The following SOX4 variants were observed in gnomAD, a reference collection of about 807,000 sequenced individuals.
The protein encoded by SOX4 is transcription factor SOX-4.
For synonymous variants in SOX4, 465 were observed against 348.4 expected, an observed-to-expected ratio of 1.33 and a Z score of -3.73; for missense variants, 662 against 694.9, an observed-to-expected ratio of 0.95 and a Z score of 0.53.
chr6:21,596,623 C>G lies in SOX4; in HGVS notation c.*664C>G, dbSNP rs1254145606. 2 of 167,228 alleles carry G rather than the reference C, an allele frequency of 1.2e-5. No homozygotes were observed. The highest frequency in any genetic ancestry group is 4.8e-5 in the African/African-American group (2 of 41,408). 10.4% of individuals were successfully genotyped at this position (167,228 alleles called of 1,614,324 possible). ...CCCGTTTGGGGCTTTTTTTTCCTCC[C>G]TCTTTTCCCCTTGCCCCCTCTGCAG... On this transcript the variant is annotated 3_prime_UTR_variant, in exon 1 of 1. Coordinates refer to ENST00000244745, the MANE Select transcript of SOX4 (RefSeq NM_003107.3).
Position 21,594,681 on chromosome 6 carries a change from G to A in SOX4, c.147G>A (p.Pro49=), listed in dbSNP as rs779887391. The change falls in exon 1 of 1, where the codon CCG becomes CCA. Residue 49 remains proline (P), a synonymous_variant. Coordinates refer to ENST00000244745, the MANE Select transcript of SOX4 (RefSeq NM_003107.3). ...CCACGGGCGGCAAGGCCGACGACCC[G>A]AGCTGGTGCAAGACCCCGAGTGGGC... ...TASTGGKADD[P]SWCKTPSGHI... is the part of the protein sequence containing the mutation. 37 of 1,598,728 alleles carry A rather than the reference G, an allele frequency of 2.3e-5. No individual in the cohort carries two copies. Among genetic ancestry groups the A allele is most frequent in the Admixed American group, 5.2e-5 (3 of 57,144 alleles).
Position 21,594,415 on chromosome 6 carries a change from C to G in SOX4, c.-120C>G. The stretch of plus-strand genomic sequence containing the variant: ...GCGAGGAGTTGAGGGGCCAGTTCGG[C>G]CGCCGCGCGCGTCTTCCCGTTCGGC... On this transcript the variant is annotated 5_prime_UTR_variant, in exon 1 of 1. Transcript: ENST00000244745. The G allele has an allele frequency of 2.3e-6, 3 of 1,285,824 alleles. No individual in the cohort carries two copies. Among genetic ancestry groups the G allele is most frequent in the Non-Finnish European group, 3.0e-6 (3 of 1,016,634 alleles). The allele number at this position is 1,285,824 out of a possible 1,614,324, so 79.7% of individuals were successfully genotyped here.
chr6:21,595,579 C>G lies in SOX4; in HGVS notation c.1045C>G (p.Pro349Ala). 1 of 1,198,822 alleles carries G rather than the reference C, an allele frequency of 8.3e-7. No homozygotes were observed. 74.3% of individuals were successfully genotyped at this position (1,198,822 alleles called of 1,614,324 possible). A position where few individuals can be genotyped will look rare whatever the true frequency, so the allele number is the denominator to read the frequency against. The stretch of plus-strand genomic sequence containing the variant: ...CGGCCGCAGCAGCGCCGCCTCGTCC[C>G]CCGCCGCCGGCCGCTCGCCCGCCGA... ...LSGRSSAASS[P>A]AAGRSPADHR... The change falls in exon 1 of 1, where the codon CCC (proline) becomes GCC (alanine). Residue 349 changes from proline to alanine, a missense_variant. Pro to Ala is a conservative substitution (Grantham distance 27). Coordinates refer to ENST00000244745, the MANE Select transcript of SOX4 (RefSeq NM_003107.3).
At position 21,597,933 on chromosome 6, in the gene SOX4, C is replaced by T. The variant is rs184779509; in HGVS notation, c.*1974C>T. ...AAAAAGGGGAGGAGAATTAGCCAAA[C>T]ACTGTAAGCTTTTAAGAAAAACAAA... On this transcript the variant is annotated 3_prime_UTR_variant, in exon 1 of 1. Coordinates refer to ENST00000244745, the MANE Select transcript of SOX4 (RefSeq NM_003107.3). The T allele has an allele frequency of 0.012, 1,953 of 167,236 alleles. 22 individuals carry two copies. Among genetic ancestry groups the T allele is most frequent in the Non-Finnish European group, 0.012 (806 of 68,132 alleles). The allele number at this position is 167,236 out of a possible 1,614,324, so 10.4% of individuals were successfully genotyped here. A position where few individuals can be genotyped will look rare whatever the true frequency, so the allele number is the denominator to read the frequency against.
rs1763100033 is a variant in SOX4 at position 21,594,783 on chromosome 6, C to G, written c.249C>G (p.Asp83Glu). The G allele has an allele frequency of 6.2e-7, 1 of 1,604,958 alleles. No homozygotes were observed. Among genetic ancestry groups the G allele is most frequent in the Non-Finnish European group, 8.5e-7 (1 of 1,175,974 alleles). Residue 83 changes from aspartate to glutamate, a missense_variant, in exon 1 of 1, where the codon GAC becomes GAG. Coordinates refer to ENST00000244745, the MANE Select transcript of SOX4 (RefSeq NM_003107.3). ...ERRKIMEQSP[D>E]MHNAEISKRL... Reference sequence around the variant, plus strand: ...GCAAGATCATGGAGCAGTCGCCCGACATGCACAACGCCGAGATCTCCAAGC... The same window carrying G: ...GCAAGATCATGGAGCAGTCGCCCGAGATGCACAACGCCGAGATCTCCAAGC...
Position 21,593,960 on chromosome 6 carries a change from A to C in SOX4, c.-575A>C, listed in dbSNP as rs1411974967. The C allele has an allele frequency of 6.6e-6, 1 of 152,110 alleles. No individual in the cohort carries two copies. Among genetic ancestry groups the C allele is most frequent in the African/African-American group, 2.4e-5 (1 of 41,406 alleles). The allele number at this position is 152,110 out of a possible 1,614,324, so 9.4% of individuals were successfully genotyped here. ...TTTTGGCTTCCTACCTTGCAACAAA[A>C]TAATTGCACCAACTCCTTAGTGCCG... On this transcript the variant is annotated 5_prime_UTR_variant, in exon 1 of 1. Coordinates refer to ENST00000244745, the MANE Select transcript of SOX4 (RefSeq NM_003107.3).
Position 21,596,077 on chromosome 6 carries a change from A to G in SOX4, c.*118A>G. On this transcript the variant is annotated 3_prime_UTR_variant, in exon 1 of 1. Coordinates refer to ENST00000244745, the MANE Select transcript of SOX4 (RefSeq NM_003107.3). ...AAGAGAAAAGGGAAAAAAGAAAGAAAAAGTAAGCAGGGCTGGCTTCGCCCG... is the reference window on the plus strand; with the variant it reads ...AAGAGAAAAGGGAAAAAAGAAAGAAGAAGTAAGCAGGGCTGGCTTCGCCCG... 7.3e-7 allele frequency: 1 copy of G among 1,364,670 alleles called. No homozygotes were observed. The highest frequency in any genetic ancestry group is 9.5e-7 in the Non-Finnish European group (1 of 1,053,232). The allele number at this position is 1,364,670 out of a possible 1,614,324, so 84.5% of individuals were successfully genotyped here. A position where few individuals can be genotyped will look rare whatever the true frequency, so the allele number is the denominator to read the frequency against.
Position 21,594,280 on chromosome 6 carries a change from AG to A in SOX4, c.-252del, listed in dbSNP as rs1243703375. The A allele has an allele frequency of 5.2e-6, 2 of 382,120 alleles. No individual in the cohort carries two copies. Among genetic ancestry groups the A allele is most frequent in the Non-Finnish European group, 9.1e-6 (2 of 219,688 alleles). The allele number at this position is 382,120 out of a possible 1,614,324, so 23.7% of individuals were successfully genotyped here. ...GCAGCGCGGTGAGAGAGCGAGAGAG[AG>A]GGAGAGAGAGACTCTCCAGCCTGGG... On this transcript the variant is annotated 5_prime_UTR_variant, in exon 1 of 1. Transcript: ENST00000244745.
In SOX4 at chr6:21,597,243, A is replaced by G. The variant is rs1277229975; in HGVS notation, c.*1284A>G. On this transcript the variant is annotated 3_prime_UTR_variant, in exon 1 of 1. Transcript: ENST00000244745. ...TTTAAAGGATTCAAACGCAACTCAA[A>G]TCTGTGCTGGACTTTAAAAAAACAA... 1 of 166,876 alleles carries G rather than the reference A, an allele frequency of 6.0e-6. No individual in the cohort carries two copies. The highest frequency in any genetic ancestry group is 1.9e-4 in the East Asian group (1 of 5,190). 10.3% of individuals were successfully genotyped at this position (166,876 alleles called of 1,614,324 possible).
chr6:21,595,950 C>T lies in SOX4; in HGVS notation c.1416C>T (p.Phe472=). 1 of 1,552,360 alleles carries T rather than the reference C, an allele frequency of 6.4e-7. No individual in the cohort carries two copies. Among genetic ancestry groups the T allele is most frequent in the Non-Finnish European group, 8.7e-7 (1 of 1,148,580 alleles). Residue 472 remains phenylalanine (F), a synonymous_variant, in exon 1 of 1, where the codon TTC becomes TTT. Coordinates refer to ENST00000244745, the MANE Select transcript of SOX4 (RefSeq NM_003107.3). The part of the protein sequence containing the change: ...WLESSISNLV[F]TY ...AGTCCAGCATCTCCAACCTGGTTTT[C>T]ACCTACTGAAGGGCGCGCAGGCAGG...
chr6:21,596,985 AAAAAAG>A lies in SOX4; in HGVS notation c.*1032_*1037del, dbSNP rs1447815417. Reference sequence around the variant, plus strand: ...GGAAAAAAAAAAAGAAAAAAAGAAAAAAAAAGAAAAAAAAAAGATTTTTTTCTTCTC... The same window carrying A: ...GGAAAAAAAAAAAGAAAAAAAGAAAAAAAAAAAAAAGATTTTTTTCTTCTC... On this transcript the variant is annotated 3_prime_UTR_variant, in exon 1 of 1. Transcript: ENST00000244745. 2.4e-5 allele frequency: 4 copies of A among 166,258 alleles called. No homozygotes were observed. The highest frequency in any genetic ancestry group is 9.7e-5 in the African/African-American group (4 of 41,160). The allele number at this position is 166,258 out of a possible 1,614,324, so 10.3% of individuals were successfully genotyped here.
In SOX4 at chr6:21,595,846, C is replaced by CCCGGCT. The variant is rs1427018882; in HGVS notation, c.1320_1325dup (p.Gly441_Ser442dup). ...CCGGGACCTGGATTTTAACTTCGAG[C>CCCGGCT]CCGGCTCCGGCTCGCACTTCGAGTT... On this transcript the variant is annotated inframe_insertion, in exon 1 of 1. Coordinates refer to ENST00000244745, the MANE Select transcript of SOX4 (RefSeq NM_003107.3). 2 of 1,612,294 alleles carry CCCGGCT rather than the reference C, an allele frequency of 1.2e-6. No homozygotes were observed. Among genetic ancestry groups the CCCGGCT allele is most frequent in the Admixed American group, 1.7e-5 (1 of 59,836 alleles).
In SOX4 at chr6:21,595,077, C is replaced by A; in HGVS notation, c.543C>A (p.Gly181=). The stretch of plus-strand genomic sequence containing the variant: ...GGAGCAGCAACGCGGGGGGAGGAGG[C>A]GGCGGTGCGAGTGGCGGCGGCGCCA... ...GGGSSNAGGG[G]GGASGGGANS... Residue 181 remains glycine (G), a synonymous_variant, in exon 1 of 1, where the codon GGC becomes GGA. Coordinates refer to ENST00000244745, the MANE Select transcript of SOX4 (RefSeq NM_003107.3). The A allele has an allele frequency of 1.4e-6, 2 of 1,409,818 alleles. No individual in the cohort carries two copies. The highest frequency in any genetic ancestry group is 2.8e-5 in the East Asian group (1 of 35,414). The allele number at this position is 1,409,818 out of a possible 1,614,324, so 87.3% of individuals were successfully genotyped here.
Position 21,595,531 on chromosome 6 carries a change from T to C in SOX4, c.997T>C (p.Ser333Pro), listed in dbSNP as rs752979777. 3.2e-6 allele frequency: 4 copies of C among 1,232,102 alleles called. No individual in the cohort carries two copies. In the East Asian group the frequency reaches 9.9e-5, roughly 31 times the overall value. 76.3% of individuals were successfully genotyped at this position (1,232,102 alleles called of 1,614,324 possible). Residue 333 changes from serine to proline, a missense_variant, in exon 1 of 1, where the codon TCG (serine) becomes CCG (proline). Transcript: ENST00000244745. ...GTACGAGGAGGAGGGCGCGGGCTGC[T>C]CGCCCGACGCGCCCAGCCTGAGCGG... is the stretch of plus-strand genomic sequence containing the variant. ...GLYEEEGAGC[S>P]PDAPSLSGRS...
rs1240993586 is a variant in SOX4 at position 21,598,071 on chromosome 6, A to C, written c.*2112A>C. ...CACATCTTTTTTGCACTTTTTTTATAAGCAAAAACGTGCCGTTTAAACCAC... is the reference window on the plus strand; with the variant it reads ...CACATCTTTTTTGCACTTTTTTTATCAGCAAAAACGTGCCGTTTAAACCAC... On this transcript the variant is annotated 3_prime_UTR_variant, in exon 1 of 1. Transcript: ENST00000244745. The C allele has an allele frequency of 6.0e-6, 1 of 167,054 alleles. No homozygotes were observed. The highest frequency in any genetic ancestry group is 1.5e-5 in the Non-Finnish European group (1 of 68,112). The allele number at this position is 167,054 out of a possible 1,614,324, so 10.3% of individuals were successfully genotyped here.
rs564094826 is a variant in SOX4, at chr6:21,595,035, G to GGGC, written c.516_518dup (p.Gly173dup). 7,014 of 1,446,014 alleles carry GGGC rather than the reference G, an allele frequency of 4.9e-3. 189 individuals carry two copies. The African/African-American group carries it at 0.073, about 15-fold the overall frequency. 89.6% of individuals were successfully genotyped at this position (1,446,014 alleles called of 1,614,324 possible). A position where few individuals can be genotyped will look rare whatever the true frequency, so the allele number is the denominator to read the frequency against. On this transcript the variant is annotated inframe_insertion, in exon 1 of 1. Transcript: ENST00000244745. ...GTGGCAGTGGCGGGGGCGGCCATGGGGGCGGCGGCGGCGGCGGGAGCAGCA... is the reference window on the plus strand; with the variant it reads ...GTGGCAGTGGCGGGGGCGGCCATGGGGGCGGCGGCGGCGGCGGCGGGAGCAGCA...
rs1196260476 is a variant in SOX4, at chr6:21,594,774, G to A, written c.240G>A (p.Gln80=). The change falls in exon 1 of 1, where the codon CAG becomes CAA. Residue 80 remains glutamine (Q), a synonymous_variant. Transcript: ENST00000244745. Reference sequence around the variant, plus strand: ...TCGAGCGGCGCAAGATCATGGAGCAGTCGCCCGACATGCACAACGCCGAGA... The same window carrying A: ...TCGAGCGGCGCAAGATCATGGAGCAATCGCCCGACATGCACAACGCCGAGA... ...SQIERRKIME[Q]SPDMHNAEIS... 1 of 1,602,584 alleles carries A rather than the reference G, an allele frequency of 6.2e-7. No homozygotes were observed. Among genetic ancestry groups the A allele is most frequent in the Non-Finnish European group, 8.5e-7 (1 of 1,174,836 alleles).
In SOX4 at chr6:21,597,654, A is replaced by ATTTT. The variant is rs1763202283; in HGVS notation, c.*1695_*1696insTTTT. ...CTTTTGACACTTTTAAAAAACAAAA[A>ATTTT]AAGACAAGAGAGATGAAAACGTTTG... On this transcript the variant is annotated 3_prime_UTR_variant, in exon 1 of 1. Coordinates refer to ENST00000244745, the MANE Select transcript of SOX4 (RefSeq NM_003107.3). 6.0e-6 allele frequency: 1 copy of ATTTT among 166,724 alleles called. No homozygotes were observed. Among genetic ancestry groups the ATTTT allele is most frequent in the Non-Finnish European group, 1.5e-5 (1 of 68,044 alleles). The allele number at this position is 166,724 out of a possible 1,614,324, so 10.3% of individuals were successfully genotyped here. A position where few individuals can be genotyped will look rare whatever the true frequency, so the allele number is the denominator to read the frequency against.
At position 21,595,461 on chromosome 6, in the gene SOX4, G is replaced by A; in HGVS notation, c.927G>A (p.Val309=). 1.4e-6 allele frequency: 2 copies of A among 1,467,576 alleles called. No individual in the cohort carries two copies. The highest frequency in any genetic ancestry group is 1.8e-6 in the Non-Finnish European group (2 of 1,113,934). The allele number at this position is 1,467,576 out of a possible 1,614,324, so 90.9% of individuals were successfully genotyped here. A position where few individuals can be genotyped will look rare whatever the true frequency, so the allele number is the denominator to read the frequency against. The stretch of plus-strand genomic sequence containing the variant: ...GCCTGGGCACGTCGTCGTCGCCCGT[G>A]GGCGGCGTGGGCGCGGGAGCCGACC... ...FGGLGTSSSP[V]GGVGAGADPS... Residue 309 remains valine (V), a synonymous_variant, in exon 1 of 1, where the codon GTG becomes GTA. Transcript: ENST00000244745.
Sources: gnomAD v4.1 joint callset for allele counts on GRCh38, gnomAD v4.1.1 for gene constraint, MANE v1.5 for transcripts, NCBI Gene and HGNC (gene_info 2026-07-23, HGNC 2026-07-21) for gene names.